The following CES4A variants were observed in gnomAD, a reference collection of about 807,000 sequenced individuals.
CES4A encodes carboxylesterase 6.
Under a neutral mutation model 65.4 loss-of-function variants are expected in CES4A, and 48 were observed. The observed-to-expected ratio is 0.73, with a 90% confidence interval of 0.58 to 0.93. The LOEUF (loss-of-function observed/expected upper bound fraction) is 0.93, where lower values mean the gene tolerates loss of function less well. Among genes scored for constraint, CES4A ranks in the 40% least tolerant of loss-of-function variants. The pLI is 0.00. For missense variants in CES4A, 685 were observed against 728.5 expected (o/e 0.94, Z 0.69); for synonymous variants, 247 against 281.8 (o/e 0.88, Z 1.24).
exon 11 of CES4A, chr16:67,005,274 A>G: frequency 6.2e-7 from 1 of 1,614,098 alleles, no homozygotes; most frequent in East Asian, 2.2e-5. Flanking sequence ...CTTGTGGTGG[A>G]GGAGTACCTG....
intron 11 of CES4A, chr16:67,006,120 G>T: frequency 2.4e-6 from 1 of 419,626 alleles, no homozygotes; most frequent in East Asian, 4.3e-5. Context: ...GAAAAGGAAG[G>T]CTTCCATGAT....
rs986650243 is a variant in CES4A, at chr16:67,000,454, T to C, written c.261-184T>C. On this transcript the variant is annotated intron_variant, in intron 2 of 13. Coordinates refer to ENST00000648724, the Ensembl canonical transcript of CES4A. The surrounding 1 kb of genome is among the most constrained non-coding windows in gnomAD (Gnocchi z 4.2). ...GGGGATGGTTCCTGAGAGGCCAACC[T>C]GCCTCCCAGTCCTGGGCCCCGGGGC... The C allele has an allele frequency of 2.2e-5, 31 of 1,411,104 alleles. No individual in the cohort carries two copies. The African/African-American group carries it at 4.5e-4, about 21-fold the overall frequency. 87.4% of individuals were successfully genotyped at this position (1,411,104 alleles called of 1,614,324 possible).
chr16:67,009,940 G>A (rs985971658), downstream of CES4A, among the ~76,000 whole-genome samples: 2 of 152,046 alleles, frequency 1.3e-5, no homozygotes, highest in African/African-American at 4.8e-5. Flanking sequence ...CCTCAGGACA[G>A]CCACACCCCA....
intron 2 of CES4A, chr16:66,996,151 C>CCT (rs954230057): frequency 1.5e-4 from 70 of 459,356 alleles, no homozygotes; most frequent in African/African-American, 1.3e-3. Context: ...GAGTCTCCTG[C>CCT]CTCAGCCTCT....
At chr16:67,009,145 G>T (rs1436730548) in exon 14 of CES4A, 1 of 1,611,564 alleles carries the variant, frequency 6.2e-7, no homozygotes, top group East Asian at 2.2e-5. Context: ...AATTCTAAGG[G>T]TGGCTATGCA....
intron 2 of CES4A, chr16:66,996,327 G>A (rs567784983): frequency 6.3e-5 from 19 of 299,830 alleles, no homozygotes; most frequent in Non-Finnish European, 9.7e-5. Flanking sequence ...GAGCCACTGC[G>A]CCTAGACTTG....
At position 67,003,257 on chromosome 16, in the gene CES4A, A is replaced by G; in HGVS notation, c.797A>G (p.Lys266Arg). 2.5e-6 allele frequency: 4 copies of G among 1,614,154 alleles called. No homozygotes were observed. The highest frequency in any genetic ancestry group is 3.4e-6 in the Non-Finnish European group (4 of 1,179,994). The stretch of plus-strand genomic sequence containing the variant: ...GAGCATCCTTTCTTCTCTCTATAGA[A>G]GGTTGCCCACCTGGCTGGATGCAAC... The change falls in exon 7 of 14, where the codon AAG becomes AGG. Residue 266 changes from lysine (K) to arginine (R), a missense_variant and splice_region_variant. Physicochemically the swap from Lys to Arg is conservative, Grantham distance 26. Coordinates refer to ENST00000648724, the Ensembl canonical transcript of CES4A. The surrounding 1 kb of genome is among the most constrained non-coding windows in gnomAD (Gnocchi z 4.2).
chr16:66,990,984 G>C (rs1211500832), intron 1 of CES4A, among the ~76,000 whole-genome samples: 1 of 151,948 alleles, frequency 6.6e-6, no homozygotes, highest in Non-Finnish European at 1.5e-5. Context: ...CTGAGTGAAG[G>C]CATGTGAACT....
chr16:66,994,322 C>T (rs1050387449), intron 1 of CES4A, among the ~76,000 whole-genome samples: 3 of 147,796 alleles, frequency 2.0e-5, no homozygotes, highest in Admixed American at 6.8e-5. Context: ...CTGCAACCTC[C>T]GCTCCTGGGT....
chr16:66,997,306 G>C (rs944127598), intron 2 of CES4A, among the ~76,000 whole-genome samples: 1 of 152,194 alleles, frequency 6.6e-6, no homozygotes, highest in Non-Finnish European at 1.5e-5. Context: ...CTGGGCATCA[G>C]TTGTTAGAAA....
exon 2 of CES4A, chr16:66,995,762 A>C (rs559135863): frequency 1.2e-6 from 2 of 1,614,200 alleles, no homozygotes; most frequent in African/African-American, 1.3e-5. Flanking sequence ...AGGTATCCTC[A>C]GGTTTGCACC....
chr16:67,000,909 A>G lies in CES4A; in HGVS notation c.455A>G (p.Tyr152Cys). 1 of 1,612,428 alleles carries G rather than the reference A, an allele frequency of 6.2e-7. No homozygotes were observed. Among genetic ancestry groups the G allele is most frequent in the Non-Finnish European group, 8.5e-7 (1 of 1,179,312 alleles). The stretch of plus-strand genomic sequence containing the variant: ...TTCATCGTGGGCGCTGCTTCTTCGT[A>G]CGAGGGCTCTGACTTGGCCGCCCGC... The change falls in exon 4 of 14, where the codon TAC becomes TGC. Residue 152 changes from tyrosine (Y) to cysteine (C), a missense_variant. By Grantham distance (194) the Tyr-to-Cys change is radical. Transcript: ENST00000648724. The surrounding 1 kb of genome is among the most constrained non-coding windows in gnomAD (Gnocchi z 4.2).
intron 2 of CES4A, chr16:66,996,117 A>C (rs1376079390): frequency 5.8e-6 from 3 of 519,442 alleles, no homozygotes; most frequent in Non-Finnish European, 1.1e-5. Context: ...GGCTCACTGC[A>C]ACCTCCGCCT....
exon 2 of CES4A, chr16:66,995,786 G>A: frequency 6.2e-7 from 1 of 1,614,152 alleles, no homozygotes; most frequent in South Asian, 1.1e-5. Flanking sequence ...AGAACCCCCG[G>A]AGCCCTGGAA....
rs535670246 is a variant in CES4A at position 67,000,521 on chromosome 16, A to G, written c.261-117A>G. ...TACACGCACACGCACGCACATGCGC[A>G]CGCACACGCACGCGCACAGACGCTG... On this transcript the variant is annotated intron_variant, in intron 2 of 13. Coordinates refer to ENST00000648724, the Ensembl canonical transcript of CES4A. The surrounding 1 kb of genome is among the most constrained non-coding windows in gnomAD (Gnocchi z 4.2). The G allele has an allele frequency of 1.2e-5, 18 of 1,455,022 alleles. No homozygotes were observed. Among genetic ancestry groups the G allele is most frequent in the Non-Finnish European group, 1.6e-5 (18 of 1,101,414 alleles). The allele number at this position is 1,455,022 out of a possible 1,614,324, so 90.1% of individuals were successfully genotyped here.
chr16:66,993,465 C>T (rs1468962790), intron 1 of CES4A, among the ~76,000 whole-genome samples: 1 of 152,086 alleles, frequency 6.6e-6, no homozygotes, highest in Admixed American at 6.5e-5. Context: ...GCCTCAGCCT[C>T]CCGAGTAGCT....
intron 2 of CES4A, chr16:66,996,112 A>G: frequency 1.9e-6 from 1 of 528,486 alleles, no homozygotes; most frequent in South Asian, 1.6e-5. Flanking sequence ...ATCTCGGCTC[A>G]CTGCAACCTC....
chr16:67,002,171 A>T (rs761846184), intron 5 of CES4A, among the ~76,000 whole-genome samples: 15 of 150,140 alleles, frequency 1.0e-4, no homozygotes, highest in Admixed American at 4.0e-4. Context: ...GGAAAAAAAA[A>T]TTTTTTTTTT....
intron 1 of CES4A, among the ~76,000 whole-genome samples, chr16:66,989,243 A>C (rs1338942283): frequency 1.3e-5 from 2 of 152,028 alleles, no homozygotes; most frequent in Non-Finnish European, 2.9e-5. Flanking sequence ...TGAGTACTAC[A>C]CTTTTTACTG....
Sources: allele counts gnomAD v4.1 joint callset (sites outside exome capture counted in the v4.1 genomes callset), GRCh38; gene constraint gnomAD v4.1.1; non-coding constraint Gnocchi (gnomAD v3.1); transcripts MANE v1.5; gene names NCBI Gene and HGNC (gene_info 2026-07-23, HGNC 2026-07-21).